The following SERPIND1 variants were observed in gnomAD, a reference collection of about 807,000 sequenced individuals.
SERPIND1 encodes the protein heparin cofactor 2.
A neutral mutation model predicts 35.0 loss-of-function variants in SERPIND1; 34 were observed. The observed-to-expected ratio is 0.97, with a 90% CI of 0.74 to 1.29. The LOEUF is 1.29. Ranked by LOEUF, SERPIND1 falls within the 50% of genes most tolerant of loss-of-function variation. The pLI is 0.00. For missense variants in SERPIND1, 633 were observed against 637.7 expected, an observed-to-expected ratio of 0.99 and a Z score of 0.08; for synonymous variants, 236 against 241.1, an observed-to-expected ratio of 0.98 and a Z score of 0.19.
intron 4 of SERPIND1, 139 bp downstream of exon 4, chr22:20,786,287 G>T: frequency 1.0e-6 from 1 of 957,560 alleles, no homozygotes; most frequent in Non-Finnish European, 1.6e-6. Context: ...GCCTGGGTGG[G>T]ATACACAGAA....
chr22:20,783,880 A>G (rs1253973116), intron 2 of SERPIND1, 92 bp from the exon 3 acceptor site: 2 of 1,553,000 alleles, frequency 1.3e-6, no homozygotes, highest in African/African-American at 2.7e-5. Context: ...TATCTGAATG[A>G]GGCCTCCAGG....
In SERPIND1 at chr22:20,779,525, A is replaced by T. The variant is rs1933580929; in HGVS notation, c.213A>T (p.Pro71=). The change falls in exon 2 of 5, where the codon CCA becomes CCT. Residue 71 remains proline, a synonymous_variant. Coordinates refer to ENST00000215727, the MANE Select transcript of SERPIND1 (RefSeq NM_000185.4). The part of the protein sequence containing the change: ...KENTVTNDWI[P]EGEEDDDYLD... Reference sequence around the variant, plus strand: ...ACACCGTCACCAACGACTGGATTCCAGAGGGGGAGGAGGACGACGACTATC... The same window carrying T: ...ACACCGTCACCAACGACTGGATTCCTGAGGGGGAGGAGGACGACGACTATC... 3.7e-6 allele frequency: 6 copies of T among 1,613,876 alleles called. No homozygotes were observed. Among genetic ancestry groups the T allele is most frequent in the Non-Finnish European group, 5.1e-6 (6 of 1,179,820 alleles).
At chr22:20,776,397 G>A (rs1452245676) in intron 1 of SERPIND1, among the ~76,000 whole-genome samples, 2 of 152,220 alleles carry the variant, frequency 1.3e-5, no homozygotes, top group Admixed American at 1.3e-4. Flanking sequence ...ACTGCAGCCT[G>A]AGGCAGGTGC....
At chr22:20,780,833 C>A (rs1295578171) in intron 2 of SERPIND1, among the ~76,000 whole-genome samples, 1 of 150,468 alleles carries the variant, frequency 6.6e-6, no homozygotes, top group Non-Finnish European at 1.5e-5. Flanking sequence ...TATTAAGGGG[C>A]AGAGCCAAAG....
In SERPIND1 at chr22:20,786,883, C is replaced by G. The variant is rs774578733; in HGVS notation, c.1317C>G (p.His439Gln). 1.9e-6 allele frequency: 3 copies of G among 1,614,186 alleles called. No individual in the cohort carries two copies. Among genetic ancestry groups the G allele is most frequent in the Non-Finnish European group, 2.5e-6 (3 of 1,180,034 alleles). Reference sequence around the variant, plus strand: ...CTTTCCTTTCCAAACAGTTCAAGCACCAAGGCACGATCACAGTGAACGAGG... The same window carrying G: ...CTTTCCTTTCCAAACAGTTCAAGCAGCAAGGCACGATCACAGTGAACGAGG... ...DQRIAIDLFK[H>Q]QGTITVNEEG... The change falls in exon 5 of 5, where the codon CAC becomes CAG. Residue 439 changes from histidine to glutamine, a missense_variant. Physicochemically the swap from His to Gln is conservative, Grantham distance 24. Coordinates refer to ENST00000215727, the MANE Select transcript of SERPIND1 (RefSeq NM_000185.4).
rs1270914165 is a variant in SERPIND1 at position 20,786,023 on chromosome 22, C to CCGA, written c.1184_1186dup (p.Pro395_Lys396insThr). The CCGA allele has an allele frequency of 6.2e-7, 1 of 1,614,148 alleles. No homozygotes were observed. Among genetic ancestry groups the CCGA allele is most frequent in the African/African-American group, 1.3e-5 (1 of 75,024 alleles). The stretch of plus-strand genomic sequence containing the variant: ...GTCTAGAACTCGAGAAGTGCTTCTG[C>CCGA]CGAAATTCAAGCTGGAGAAGAACTA... On this transcript the variant is annotated inframe_insertion, in exon 4 of 5. Transcript: ENST00000215727.
Position 20,785,267 on chromosome 22 carries a change from G to A in SERPIND1, c.1164-737G>A, listed in dbSNP as rs370331489. On this transcript the variant is annotated intron_variant, in intron 3 of 4. Transcript: ENST00000215727. Reference sequence around the variant, plus strand: ...CTTTTTTTGGTAGAGATGAGGTCTCGCTGTGTTGCCCAGGCTGGTCTTGAA... The same window carrying A: ...CTTTTTTTGGTAGAGATGAGGTCTCACTGTGTTGCCCAGGCTGGTCTTGAA... Among the ~76,000 whole-genome samples, 16 of 152,182 alleles carry A rather than the reference G, an allele frequency of 1.1e-4. No homozygotes were observed. In the South Asian group the frequency reaches 2.9e-3, roughly 28 times the overall value.
chr22:20,786,214 C>T (rs867276510), intron 4 of SERPIND1, 66 bp downstream of exon 4: 1 of 1,561,612 alleles, frequency 6.4e-7, no homozygotes, highest in Non-Finnish European at 8.8e-7. Context: ...CCCACCTCCA[C>T]TTGCCCTTCC....
At chr22:20,781,993 G>A (rs1035873634) in intron 2 of SERPIND1, among the ~76,000 whole-genome samples, 2 of 152,234 alleles carry the variant, frequency 1.3e-5, no homozygotes, top group Non-Finnish European at 2.9e-5. Context: ...GAATGAAACT[G>A]TAGATTACAA....
chr22:20,784,133 G>A lies in SERPIND1; in HGVS notation c.1051G>A (p.Gly351Arg), dbSNP rs1377291066. 3.7e-6 allele frequency: 6 copies of A among 1,614,066 alleles called. No homozygotes were observed. The highest frequency in any genetic ancestry group is 1.7e-5 in the Admixed American group (1 of 60,004). ...DCDILQLEYV[G>R]GISMLIVVPH... is the part of the protein sequence containing the mutation. ...CGACATCCTCCAGCTGGAATACGTG[G>A]GGGGCATCAGCATGCTAATTGTGGT... Residue 351 changes from glycine to arginine, a missense_variant, in exon 3 of 5, where the codon GGG (glycine) becomes AGG (arginine). Gly to Arg is a moderately radical substitution (Grantham distance 125). Transcript: ENST00000215727.
In SERPIND1 at chr22:20,787,237, A is replaced by G. The variant is rs1185896916; in HGVS notation, c.*171A>G. On this transcript the variant is annotated 3_prime_UTR_variant, in exon 5 of 5. Transcript: ENST00000215727. ...ACGACCAAGAAGAGAGGCTTGTTGG[A>G]ATCAATTCTGCACAATAGCCCATGC... is the stretch of plus-strand genomic sequence containing the variant. 25 of 670,610 alleles carry G rather than the reference A, an allele frequency of 3.7e-5. No homozygotes were observed. The South Asian group carries it at 3.9e-4, about 11-fold the overall frequency. The allele number at this position is 670,610 out of a possible 1,614,324, so 41.5% of individuals were successfully genotyped here.
intron 3 of SERPIND1, among the ~76,000 whole-genome samples, chr22:20,784,819 G>C (rs1934082705): frequency 6.6e-6 from 1 of 152,124 alleles, no homozygotes; most frequent in African/African-American, 2.4e-5. Context: ...GAATGGAGAG[G>C]TCTTATTTCT....
rs1361415555 is a variant in SERPIND1, at chr22:20,786,868, C to T, written c.1309-7C>T. ...TCCAGAATCTGACAACTTTCCTTTCCAAACAGTTCAAGCACCAAGGCACGA... is the reference window on the plus strand; with the variant it reads ...TCCAGAATCTGACAACTTTCCTTTCTAAACAGTTCAAGCACCAAGGCACGA... On this transcript the variant is annotated splice_region_variant and splice_polypyrimidine_tract_variant and intron_variant, in intron 4 of 4. Coordinates refer to ENST00000215727, the MANE Select transcript of SERPIND1 (RefSeq NM_000185.4). The T allele has an allele frequency of 6.2e-7, 1 of 1,614,000 alleles. No homozygotes were observed. Among genetic ancestry groups the T allele is most frequent in the Non-Finnish European group, 8.5e-7 (1 of 1,180,012 alleles).
At chr22:20,786,493 C>T (rs1205272022) in intron 4 of SERPIND1, among the ~76,000 whole-genome samples, 1 of 152,202 alleles carries the variant, frequency 6.6e-6, no homozygotes, top group Non-Finnish European at 1.5e-5. Flanking sequence ...GCACTATACA[C>T]ATACTTAACT....
At position 20,785,898 on chromosome 22, in the gene SERPIND1, T is replaced by A. The variant is rs1288431536; in HGVS notation, c.1164-106T>A. Reference sequence around the variant, plus strand: ...AATATAAATTTTAATAAGTGCTATATCAATTCTGTGATAAATATAACCCGT... The same window carrying A: ...AATATAAATTTTAATAAGTGCTATAACAATTCTGTGATAAATATAACCCGT... On this transcript the variant is annotated intron_variant, in intron 3 of 4. Coordinates refer to ENST00000215727, the MANE Select transcript of SERPIND1 (RefSeq NM_000185.4). 1.6e-5 allele frequency: 23 copies of A among 1,476,890 alleles called. No homozygotes were observed. In the Admixed American group the frequency reaches 3.2e-4, roughly 20 times the overall value. 91.5% of individuals were successfully genotyped at this position (1,476,890 alleles called of 1,614,324 possible).
chr22:20,785,987 T>C lies in SERPIND1; in HGVS notation c.1164-17T>C, dbSNP rs550680068. 106 of 1,614,178 alleles carry C rather than the reference T, an allele frequency of 6.6e-5. 1 individual carries two copies. In the South Asian group the frequency reaches 1.0e-3, roughly 16 times the overall value. On this transcript the variant is annotated splice_polypyrimidine_tract_variant and intron_variant, in intron 3 of 4. Transcript: ENST00000215727. The stretch of plus-strand genomic sequence containing the variant: ...GTGGTTCAATAAAACTGGGCCCCCC[T>C]TTCCTTTTCTGTCTAGAACTCGAGA...
In SERPIND1 at chr22:20,776,139, T is replaced by C. The variant is rs983060896; in HGVS notation, c.-17+1994T>C. ...GAGTTTGAGACCTGTCTGGGCAACATGGTAAAACCCCATCTTTACCAAAAA... is the reference window on the plus strand; with the variant it reads ...GAGTTTGAGACCTGTCTGGGCAACACGGTAAAACCCCATCTTTACCAAAAA... On this transcript the variant is annotated intron_variant, in intron 1 of 4. Coordinates refer to ENST00000215727, the MANE Select transcript of SERPIND1 (RefSeq NM_000185.4). 7.2e-5 allele frequency among the ~76,000 whole-genome samples: 11 copies of C among 152,212 alleles called. No individual in the cohort carries two copies. The East Asian group carries it at 9.7e-4, about 13-fold the overall frequency.
chr22:20,784,213 G>A lies in SERPIND1; in HGVS notation c.1131G>A (p.Val377=). ...KTLEAQLTPR[V]VERWQKSMTN... is the part of the protein sequence containing the mutation. The stretch of plus-strand genomic sequence containing the variant: ...TCGAAGCGCAACTGACACCCCGGGT[G>A]GTGGAGAGATGGCAAAAAAGCATGA... Residue 377 remains valine (V), a synonymous_variant, in exon 3 of 5, where the codon GTG becomes GTA. Coordinates refer to ENST00000215727, the MANE Select transcript of SERPIND1 (RefSeq NM_000185.4). 1 of 1,614,158 alleles carries A rather than the reference G, an allele frequency of 6.2e-7. No homozygotes were observed. The highest frequency in any genetic ancestry group is 2.2e-5 in the East Asian group (1 of 44,884).
rs749493198 is a variant in SERPIND1 at position 20,783,971 on chromosome 22, G to A, written c.890-1G>A. On this transcript the variant is annotated splice_acceptor_variant, in intron 2 of 4. Transcript: ENST00000215727. LOFTEE classifies it high-confidence loss of function. ...ACAGCCTCTTCCTGTGGCCTTTACA[G>A]GATCCTGGGTGAATAAATTCCCAGT... 4.3e-5 allele frequency: 70 copies of A among 1,614,016 alleles called. 1 individual carries two copies. The African/African-American group carries it at 7.5e-4, about 17-fold the overall frequency.
Sources: gnomAD v4.1 joint callset for allele counts (sites outside exome capture counted in the v4.1 genomes callset) on GRCh38, gnomAD v4.1.1 for gene constraint, MANE v1.5 for transcripts, NCBI Gene and HGNC (gene_info 2026-07-23, HGNC 2026-07-21) for gene names.